Variants in CPQ observed in about 807,000 individuals in gnomAD.
CPQ encodes the protein Ser-Met dipeptidase.
A neutral mutation model predicts 45.7 loss-of-function variants in CPQ; 37 were observed. That is an observed-to-expected ratio of 0.81 (90% CI 0.62 to 1.07). The LOEUF (loss-of-function observed/expected upper bound fraction) is 1.07. Among genes scored for constraint, CPQ ranks in the 50% least tolerant of loss-of-function variants. CPQ has a pLI of 0.00. For missense variants in CPQ, 537 were observed against 572.9 expected (o/e 0.94, Z 0.64); for synonymous variants, 186 against 205.8 (o/e 0.90, Z 0.82).
At chr8:96,783,938 G>A (rs1810723839) in intron 1 of CPQ, among the ~76,000 whole-genome samples, 1 of 152,038 alleles carries the variant, frequency 6.6e-6, no homozygotes, top group Non-Finnish European at 1.5e-5. Flanking sequence ...GACTGGTATG[G>A]CCCACAAACC....
intron 7 of CPQ, among the ~76,000 whole-genome samples, chr8:97,142,296 A>T (rs2130635628): frequency 6.6e-6 from 1 of 152,326 alleles, no homozygotes; most frequent in East Asian, 1.9e-4. Flanking sequence ...AGGATAAATA[A>T]GAGACAATGA....
chr8:97,081,501 G>A (rs1394775245), intron 7 of CPQ, among the ~76,000 whole-genome samples: 1 of 152,034 alleles, frequency 6.6e-6, no homozygotes, highest in African/African-American at 2.4e-5. Context: ...CTCAGTGCTG[G>A]GGCCCCACTC....
At chr8:96,687,095 C>G (rs912650325) in intron 1 of CPQ, among the ~76,000 whole-genome samples, 5 of 151,984 alleles carry the variant, frequency 3.3e-5, no homozygotes, top group African/African-American at 1.2e-4. Flanking sequence ...CGTGTTATTT[C>G]TCCTCCTCCA....
intron 1 of CPQ, among the ~76,000 whole-genome samples, chr8:96,686,639 A>G (rs1202355582): frequency 1.3e-5 from 2 of 151,872 alleles, no homozygotes; most frequent in East Asian, 3.9e-4. Context: ...TTCACAAGTG[A>G]GTTTAGGCTA....
chr8:96,704,703 A>G (rs1809510602), intron 1 of CPQ, among the ~76,000 whole-genome samples: 1 of 152,120 alleles, frequency 6.6e-6, no homozygotes, highest in Non-Finnish European at 1.5e-5. Context: ...TTGGAGTTTT[A>G]TCCTAAGAGC....
Position 97,091,169 on chromosome 8 carries a change from C to T in CPQ, c.1255+24959C>T, listed in dbSNP as rs143225594. Among the ~76,000 whole-genome samples, 599 of 152,286 alleles carry T rather than the reference C, an allele frequency of 3.9e-3. 2 individuals are homozygous for T. The highest frequency in any genetic ancestry group is 0.014 in the African/African-American group (578 of 41,562). On this transcript the variant is annotated intron_variant, in intron 7 of 7. Transcript: ENST00000220763. ...GCGCTGTTGGGAAGTGGGGACCATC[C>T]TATGACTGTGTATCTTAATAAACTG... is the stretch of plus-strand genomic sequence containing the variant.
chr8:96,898,781 A>AC (rs1193562087), intron 4 of CPQ, among the ~76,000 whole-genome samples: 1 of 151,318 alleles, frequency 6.6e-6, no homozygotes, highest in African/African-American at 2.4e-5. Context: ...TATAATAAAA[A>AC]AAAAAAAAAA....
At chr8:96,800,045 C>T (rs1179427765) in intron 2 of CPQ, among the ~76,000 whole-genome samples, 1 of 152,082 alleles carries the variant, frequency 6.6e-6, no homozygotes, top group Non-Finnish European at 1.5e-5. Flanking sequence ...AATTTCTGTT[C>T]CGTGAAGGAT....
chr8:96,981,050 T>C (rs2130388229), intron 5 of CPQ, among the ~76,000 whole-genome samples: 1 of 152,254 alleles, frequency 6.6e-6, no homozygotes, highest in African/African-American at 2.4e-5. Context: ...TCAATATAAT[T>C]TACTACAAAA....
intron 4 of CPQ, among the ~76,000 whole-genome samples, chr8:96,883,413 A>T (rs772277488): frequency 3.3e-5 from 5 of 152,228 alleles, no homozygotes; most frequent in Non-Finnish European, 5.9e-5. Flanking sequence ...ATTTCAGAGC[A>T]ATCATGAGAT....
At chr8:96,784,121 G>A (rs1810725782) in intron 1 of CPQ, among the ~76,000 whole-genome samples, 1 of 152,070 alleles carries the variant, frequency 6.6e-6, no homozygotes, top group Non-Finnish European at 1.5e-5. Flanking sequence ...AATGAGTGTA[G>A]CATACTTAGT....
chr8:96,822,249 C>T (rs986144773), intron 2 of CPQ, among the ~76,000 whole-genome samples: 1 of 151,822 alleles, frequency 6.6e-6, no homozygotes, highest in Non-Finnish European at 1.5e-5. Context: ...TTGGTAAGGC[C>T]GAATAGTAAT....
At chr8:97,069,299 A>G (rs76735671) in intron 7 of CPQ, among the ~76,000 whole-genome samples, 126 of 152,180 alleles carry the variant, frequency 8.3e-4, no homozygotes, top group Middle Eastern at 3.4e-3. Context: ...GGAAGAAACA[A>G]TGGTACTGGT....
chr8:97,001,709 CTTTCTTTCTTTCTT>C (rs1331260221), intron 5 of CPQ, among the ~76,000 whole-genome samples: 1 of 97,900 alleles, frequency 1.0e-5, no homozygotes, highest in African/African-American at 3.7e-5. Context: ...AGTTTTCTTT[CTTTCTTTCTTTCTT>C]TTTTTTTTTT....
intron 1 of CPQ, among the ~76,000 whole-genome samples, chr8:96,752,465 G>T (rs2130786401): frequency 6.6e-6 from 1 of 152,136 alleles, no homozygotes; most frequent in African/African-American, 2.4e-5. Flanking sequence ...AGTGATTTTT[G>T]CATATTGATT....
intron 5 of CPQ, among the ~76,000 whole-genome samples, chr8:97,018,682 A>C (rs893370623): frequency 2.0e-4 from 30 of 152,300 alleles, no homozygotes; most frequent in Admixed American, 1.8e-3. Flanking sequence ...AGCAAAGACA[A>C]AGAAAAAAGA....
chr8:97,011,118 G>T (rs1001469312), intron 5 of CPQ, among the ~76,000 whole-genome samples: 2 of 152,134 alleles, frequency 1.3e-5, no homozygotes, highest in African/African-American at 4.8e-5. Context: ...GTCTCCTACT[G>T]TTCAAAGTTA....
rs149895739 is a variant in CPQ, at chr8:96,769,253, T to C, written c.-34-15611T>C. ...GATCCAAGTCTTGGGAAACTAGCAC[T>C]TTATGAGGTTAGAATCCCTTTTCCT... On this transcript the variant is annotated intron_variant, in intron 1 of 7. Coordinates refer to ENST00000220763, the MANE Select transcript of CPQ (RefSeq NM_016134.4). Among the ~76,000 whole-genome samples the C allele has an allele frequency of 7.9e-3, 1,204 of 152,310 alleles. 18 individuals are homozygous for C. The highest frequency in any genetic ancestry group is 0.023 in the African/African-American group (942 of 41,576).
At chr8:96,817,934 A>G (rs1811251389) in intron 2 of CPQ, among the ~76,000 whole-genome samples, 2 of 151,990 alleles carry the variant, frequency 1.3e-5, no homozygotes, top group Non-Finnish European at 2.9e-5. Context: ...AATTTCCTTC[A>G]AGAACTTTTC....
Sources: gnomAD v4.1 joint callset for allele counts (sites outside exome capture counted in the v4.1 genomes callset) on GRCh38, gnomAD v4.1.1 for gene constraint, MANE v1.5 for transcripts, NCBI Gene and HGNC (gene_info 2026-07-23, HGNC 2026-07-21) for gene names.